Variants in TLR1 observed in about 807,000 individuals in gnomAD.
TLR1 encodes toll like receptor 1.
A neutral mutation model predicts 20.2 loss-of-function variants in TLR1; 19 were observed. The ratio of observed to expected loss-of-function variants is 0.94; its 90% CI spans 0.66 to 1.38. TLR1 has a LOEUF of 1.38. TLR1 is among the 40% of genes most tolerant of loss of function. The probability of loss-of-function intolerance (pLI) is 0.00; values close to 1 mark genes in which losing one functional copy is unlikely to be tolerated. For synonymous variants in TLR1, 320 were observed against 334.5 expected (o/e 0.96, Z 0.47); for missense variants, 921 against 910.0 (o/e 1.01, Z -0.16).
downstream of TLR1, among the ~76,000 whole-genome samples, chr4:38,795,391 A>T (rs1196064310): frequency 1.3e-5 from 2 of 152,174 alleles, no homozygotes; most frequent in Non-Finnish European, 2.9e-5. Flanking sequence ...TGGGTATGAA[A>T]AGCATCAGAT....
At chr4:38,803,380 A>G (rs1560464339) in intron 2 of TLR1, among the ~76,000 whole-genome samples, 3 of 152,228 alleles carry the variant, frequency 2.0e-5, no homozygotes, top group African/African-American at 7.2e-5. Flanking sequence ...TGAGGAGGCA[A>G]GAATTAAGTT....
Position 38,803,629 on chromosome 4 carries a change from T to C in TLR1, c.-160+677A>G, listed in dbSNP as rs55815313. ...TAACTGATTTTTAATACTTCCAGGA[T>C]CTTTGAATTTTATATACCAAACTTG... On this transcript the variant is annotated intron_variant, in intron 2 of 3. Transcript: ENST00000308979. Among the ~76,000 whole-genome samples the C allele has an allele frequency of 9.2e-3, 1,402 of 152,326 alleles. 24 individuals are homozygous for C. Among genetic ancestry groups the C allele is most frequent in the East Asian group, 0.068 (353 of 5,186 alleles).
downstream of TLR1, among the ~76,000 whole-genome samples, chr4:38,788,893 C>G (rs77697303): frequency 4.0e-3 from 605 of 152,138 alleles, 23 homozygotes; most frequent in East Asian, 0.097. Context: ...ATATTCCTAG[C>G]TACTCGGGAG....
chr4:38,793,843 C>A (rs775226183), downstream of TLR1, among the ~76,000 whole-genome samples: 17 of 151,036 alleles, frequency 1.1e-4, no homozygotes, highest in Admixed American at 3.3e-4. Flanking sequence ...AAAATGAGGT[C>A]ATTAGAGTGG....
intron 2 of TLR1, among the ~76,000 whole-genome samples, chr4:38,801,717 C>G (rs947075722): frequency 2.0e-5 from 3 of 152,224 alleles, no homozygotes; most frequent in African/African-American, 7.2e-5. Context: ...GAACCTACCA[C>G]ACGCAAGATG....
rs1331583108 is a variant in TLR1, at chr4:38,804,392, G to T, written c.-236-10C>A. On this transcript the variant is annotated splice_polypyrimidine_tract_variant and intron_variant, in intron 1 of 3. Transcript: ENST00000308979. ...CTCATTTTCTTTAACACTGAGAAGA[G>T]AATACAAATGGCGGGATTAGGTGAA... 6.6e-6 allele frequency: 1 copy of T among 152,248 alleles called. No homozygotes were observed. Among genetic ancestry groups the T allele is most frequent in the Non-Finnish European group, 1.5e-5 (1 of 68,036 alleles). The allele number at this position is 152,248 out of a possible 1,614,324, so 9.4% of individuals were successfully genotyped here.
rs758425255 is a variant in TLR1, at chr4:38,796,779, T to A, written c.2053A>T (p.Thr685Ser). Residue 685 changes from threonine to serine, a missense_variant, in exon 4 of 4, where the codon ACC (threonine) becomes TCC (serine). Thr to Ser is a moderately conservative substitution (Grantham distance 58). Transcript: ENST00000308979. ...PGKSIVENII[T>S]CIEKSYKSIF... is the part of the protein sequence containing the mutation. ...GACTTGTAACTCTTCTCAATGCAGG[T>A]GATGATATTTTCCACAATGCTCTTG... The A allele has an allele frequency of 6.2e-7, 1 of 1,614,180 alleles. No homozygotes were observed. Among genetic ancestry groups the A allele is most frequent in the Non-Finnish European group, 8.5e-7 (1 of 1,180,034 alleles).
chr4:38,796,159 T>C (rs1579198674), downstream of TLR1: 1 of 294,184 alleles, frequency 3.4e-6, no homozygotes, highest in East Asian at 6.7e-5. Context: ...TTGGCCATGA[T>C]ACACTAGAAC....
At chr4:38,801,765 C>T (rs924166646) in intron 2 of TLR1, among the ~76,000 whole-genome samples, 1 of 152,104 alleles carries the variant, frequency 6.6e-6, no homozygotes, top group African/African-American at 2.4e-5. Flanking sequence ...GCTATCATCA[C>T]AAAAATATAT....
downstream of TLR1, among the ~76,000 whole-genome samples, chr4:38,792,853 T>TATATATATATATATATATATATATA (rs1553901909): frequency 2.5e-5 from 3 of 122,216 alleles, no homozygotes; most frequent in Admixed American, 8.4e-5. Flanking sequence ...TATTTTCAAA[T>TATATATATATATATATATATATATA]TATATATATA....
At chr4:38,803,057 G>A (rs1008995029) in intron 2 of TLR1, among the ~76,000 whole-genome samples, 1 of 152,190 alleles carries the variant, frequency 6.6e-6, no homozygotes, top group Non-Finnish European at 1.5e-5. Flanking sequence ...TTAAGCTGCT[G>A]ACCCTGAGGG....
chr4:38,798,944 T>TA, intron 3 of TLR1, 46 bp from the exon 4 acceptor site: 1 of 926,904 alleles, frequency 1.1e-6, no homozygotes, highest in Non-Finnish European at 1.6e-6. Flanking sequence ...CATACATTTT[T>TA]AAAATACACG....
At chr4:38,804,407 G>T (rs1307048307) in intron 1 of TLR1, 25 bp from the exon 2 acceptor site, 1 of 152,220 alleles carries the variant, frequency 6.6e-6, no homozygotes, top group Non-Finnish European at 1.5e-5. Flanking sequence ...CAAATGGCGG[G>T]ATTAGGTGAA....
At chr4:38,800,604 A>G (rs1269844278) in intron 3 of TLR1, 1 of 151,900 alleles carries the variant, frequency 6.6e-6, no homozygotes, top group Non-Finnish European at 1.5e-5. Flanking sequence ...TCACCTCCAG[A>G]GACCCTTTCA....
In TLR1 at chr4:38,797,627, T is replaced by C. The variant is rs757205192; in HGVS notation, c.1205A>G (p.Gln402Arg). The C allele has an allele frequency of 1.2e-6, 2 of 1,613,890 alleles. No individual in the cohort carries two copies. The highest frequency in any genetic ancestry group is 1.7e-6 in the Non-Finnish European group (2 of 1,180,014). The part of the protein sequence containing the change: ...EMTTQMKSLQ[Q>R]LDISQNSVSY... Reference sequence around the variant, plus strand: ...TACAGAATTCTGGCTAATATCCAATTGTTGCAGAGACTTCATCTGTGTAGT... The same window carrying C: ...TACAGAATTCTGGCTAATATCCAATCGTTGCAGAGACTTCATCTGTGTAGT... Residue 402 changes from glutamine to arginine, a missense_variant, in exon 4 of 4, where the codon CAA becomes CGA. By Grantham distance (43) the Gln-to-Arg change is conservative (BLOSUM62 1). Coordinates refer to ENST00000308979, the MANE Select transcript of TLR1 (RefSeq NM_003263.4).
At chr4:38,788,863 C>T (rs1209471003), downstream of TLR1, among the ~76,000 whole-genome samples, 1 of 151,944 alleles carries the variant, frequency 6.6e-6, no homozygotes, top group Non-Finnish European at 1.5e-5. Context: ...TTTAAATGAG[C>T]CAGGTGTAGT....
At chr4:38,788,784 A>T (rs1725656311), downstream of TLR1, among the ~76,000 whole-genome samples, 1 of 152,146 alleles carries the variant, frequency 6.6e-6, no homozygotes, top group African/African-American at 2.4e-5. Context: ...AGGCAGGAGG[A>T]TCCTTTGAAG....
At chr4:38,788,617 C>T (rs1429653728), downstream of TLR1, among the ~76,000 whole-genome samples, 1 of 152,168 alleles carries the variant, frequency 6.6e-6, no homozygotes, top group Admixed American at 6.5e-5. Flanking sequence ...CTTATACCAG[C>T]TCATAAGAGC....
chr4:38,794,745 T>C (rs1362547131), downstream of TLR1: 3 of 152,146 alleles, frequency 2.0e-5, no homozygotes, highest in African/African-American at 7.2e-5. Context: ...TTTTAGTTAT[T>C]TGGATATGTT....
Sources: allele counts gnomAD v4.1 joint callset (sites outside exome capture counted in the v4.1 genomes callset), GRCh38; gene constraint gnomAD v4.1.1; transcripts MANE v1.5; gene names NCBI Gene and HGNC (gene_info 2026-07-23, HGNC 2026-07-21).